The following NET1 variants were observed in gnomAD, a reference collection of about 807,000 sequenced individuals.
NET1 encodes the protein neuroepithelial cell transforming 1.
In NET1, 42 loss-of-function variants were observed where a neutral mutation model predicts 61.1. That is an observed-to-expected ratio of 0.69 (90% CI 0.54 to 0.89). The LOEUF is 0.89. Among genes scored for constraint, NET1 ranks in the 40% least tolerant of loss-of-function variants. The pLI is 0.00. For missense variants in NET1, 654 were observed against 747.3 expected (o/e 0.88, Z 1.46); for synonymous variants, 254 against 281.8 (o/e 0.90, Z 0.99).
chr10:5,430,444 G>A (rs372721043), intron 3 of NET1, among the ~76,000 whole-genome samples: 5 of 146,950 alleles, frequency 3.4e-5, no homozygotes, highest in South Asian at 4.3e-4. Context: ...GTGCGATCTC[G>A]GCCCCCTGCA....
Position 5,455,497 on chromosome 10 carries a change from A to G in NET1, c.1197+379A>G, listed in dbSNP as rs1832781605. The stretch of plus-strand genomic sequence containing the variant: ...ATAACAAATTTCTGAAGCAGATTGA[A>G]TGAATGCAAATGTATTTTTTAAATG... On this transcript the variant is annotated intron_variant, in intron 10 of 11. Transcript: ENST00000355029. This position sits in a 1 kb window ranked among gnomAD's most constrained non-coding sequence, Gnocchi z 6.5. Among the ~76,000 whole-genome samples the G allele has an allele frequency of 6.6e-6, 1 of 152,240 alleles. No homozygotes were observed. Among genetic ancestry groups the G allele is most frequent in the Admixed American group, 6.5e-5 (1 of 15,290 alleles).
Position 5,458,740 on chromosome 10 carries a change from A to C in NET1, c.*1746A>C, listed in dbSNP as rs1286571293. Among the ~76,000 whole-genome samples, 1 of 152,214 alleles carries C rather than the reference A, an allele frequency of 6.6e-6. No individual in the cohort carries two copies. Among genetic ancestry groups the C allele is most frequent in the Admixed American group, 6.5e-5 (1 of 15,290 alleles). ...AGGGTAGTAGTGGCAAAGGATCCTG[A>C]TTAATTTCAGATTTTAATGTAAGTA... On this transcript the variant is annotated 3_prime_UTR_variant, in exon 12 of 12. Transcript: ENST00000355029. This position sits in a 1 kb window ranked among gnomAD's most constrained non-coding sequence, Gnocchi z 4.5.
rs962117665 is a variant in NET1, at chr10:5,454,394, C to G, written c.898C>G (p.Arg300Gly). The G allele has an allele frequency of 6.2e-7, 1 of 1,614,120 alleles. No individual in the cohort carries two copies. The highest frequency in any genetic ancestry group is 8.5e-7 in the Non-Finnish European group (1 of 1,180,022). ...LQRCLESPFS[R>G]KLDLWSFLDI... ...GCGATGTCTCGAGTCTCCCTTCAGT[C>G]GAAAACTAGATCTTTGGAGTTTCCT... The change falls in exon 9 of 12, where the codon CGA becomes GGA. Residue 300 changes from arginine to glycine, a missense_variant. Physicochemically the swap from Arg to Gly is moderately radical, Grantham distance 125. Transcript: ENST00000355029. This position sits in a 1 kb window ranked among gnomAD's most constrained non-coding sequence, Gnocchi z 8.1.
chr10:5,453,923 T>G lies in NET1; in HGVS notation c.769-342T>G, dbSNP rs1053591726. On this transcript the variant is annotated intron_variant, in intron 8 of 11. Coordinates refer to ENST00000355029, the MANE Select transcript of NET1 (RefSeq NM_001047160.3). This position sits in a 1 kb window ranked among gnomAD's most constrained non-coding sequence, Gnocchi z 4.9. Reference sequence around the variant, plus strand: ...TGATGAAAGGCAGTCTCTGCCTTTATAGCCTAGTGAAGGAATAGCCAAGCA... The same window carrying G: ...TGATGAAAGGCAGTCTCTGCCTTTAGAGCCTAGTGAAGGAATAGCCAAGCA... Among the ~76,000 whole-genome samples the G allele has an allele frequency of 6.6e-6, 1 of 152,116 alleles. No homozygotes were observed. The highest frequency in any genetic ancestry group is 2.1e-4 in the South Asian group (1 of 4,826).
chr10:5,413,148 C>G (rs1832030568), intron 1 of NET1, among the ~76,000 whole-genome samples: 1 of 152,062 alleles, frequency 6.6e-6, no homozygotes, highest in Non-Finnish European at 1.5e-5. Context: ...TTTTCCCTGC[C>G]TGTGGCAAAG....
chr10:5,451,512 A>T lies in NET1; in HGVS notation c.256-318A>T, dbSNP rs28725281. On this transcript the variant is annotated intron_variant, in intron 3 of 11. Transcript: ENST00000355029. The surrounding 1 kb of genome is among the most constrained non-coding windows in gnomAD (Gnocchi z 6.1). ...TTTCATAACAATAAGGCTTTTTTTT[A>T]AAAAAAAAAAAAGTTATTCCCTGCA... Among the ~76,000 whole-genome samples, 30,286 of 65,920 alleles carry T rather than the reference A, an allele frequency of 0.46. 4,547 individuals are homozygous for T. Among genetic ancestry groups the T allele is most frequent in the African/African-American group, 0.54 (17,363 of 31,996 alleles). The allele number at this position is 65,920 out of a possible 152,430, so 43.2% of individuals were successfully genotyped here.
In NET1 at chr10:5,446,845, T is replaced by A. The variant is rs201093758; in HGVS notation, c.256-4985T>A. Reference sequence around the variant, plus strand: ...GTCCTAGATGTCAATAACCAGTCCTTCAGAGAACAAGAGGTAAGACTTTAA... The same window carrying A: ...GTCCTAGATGTCAATAACCAGTCCTACAGAGAACAAGAGGTAAGACTTTAA... On this transcript the variant is annotated intron_variant, in intron 3 of 11. Coordinates refer to ENST00000355029, the MANE Select transcript of NET1 (RefSeq NM_001047160.3). This position sits in a 1 kb window ranked among gnomAD's most constrained non-coding sequence, Gnocchi z 5.0. The A allele has an allele frequency of 5.9e-5, 95 of 1,609,832 alleles. 1 individual carries two copies. The South Asian group carries it at 1.0e-3, about 17-fold the overall frequency.
rs1445287809 is a variant in NET1, at chr10:5,454,375, T to G, written c.879T>G (p.Cys293Trp). ...GAGTCCAAGACTTCCTCCAGCGATG[T>G]CTCGAGTCTCCCTTCAGTCGAAAAC... is the stretch of plus-strand genomic sequence containing the variant. ...DPRVQDFLQR[C>W]LESPFSRKLD... Residue 293 changes from cysteine (C) to tryptophan (W), a missense_variant, in exon 9 of 12, where the codon TGT (cysteine) becomes TGG (tryptophan). Physicochemically the swap from Cys to Trp is radical, Grantham distance 215 (BLOSUM62 -2). Coordinates refer to ENST00000355029, the MANE Select transcript of NET1 (RefSeq NM_001047160.3). This position sits in a 1 kb window ranked among gnomAD's most constrained non-coding sequence, Gnocchi z 8.1. 1.9e-6 allele frequency: 3 copies of G among 1,614,174 alleles called. No individual in the cohort carries two copies. The highest frequency in any genetic ancestry group is 2.5e-6 in the Non-Finnish European group (3 of 1,180,036).
Position 5,454,873 on chromosome 10 carries a change from A to G in NET1, c.1027-75A>G. ...CTTTAAAGTTCTTCCATTCCATATGACATTTTTGCTCTGCAGGAAGCAGAA... is the reference window on the plus strand; with the variant it reads ...CTTTAAAGTTCTTCCATTCCATATGGCATTTTTGCTCTGCAGGAAGCAGAA... On this transcript the variant is annotated intron_variant, in intron 9 of 11. Coordinates refer to ENST00000355029, the MANE Select transcript of NET1 (RefSeq NM_001047160.3). The surrounding 1 kb of genome is among the most constrained non-coding windows in gnomAD (Gnocchi z 8.1). 7.2e-7 allele frequency: 1 copy of G among 1,388,452 alleles called. No individual in the cohort carries two copies. Among genetic ancestry groups the G allele is most frequent in the Middle Eastern group, 2.5e-4 (1 of 4,058 alleles). 86.0% of individuals were successfully genotyped at this position (1,388,452 alleles called of 1,614,324 possible). A position where few individuals can be genotyped will look rare whatever the true frequency, so the allele number is the denominator to read the frequency against.
In NET1 at chr10:5,435,856, T is replaced by C. The variant is rs1832421189; in HGVS notation, c.255+6627T>C. On this transcript the variant is annotated intron_variant, in intron 3 of 11. Transcript: ENST00000355029. The surrounding 1 kb of genome is among the most constrained non-coding windows in gnomAD (Gnocchi z 5.0). ...TACTTCTGTATTATATATACAATTA[T>C]TCATTTTTAAAAGAACACAGTATTA... is the stretch of plus-strand genomic sequence containing the variant. Among the ~76,000 whole-genome samples the C allele has an allele frequency of 1.3e-5, 2 of 152,262 alleles. No individual in the cohort carries two copies. The highest frequency in any genetic ancestry group is 2.4e-5 in the African/African-American group (1 of 41,540).
chr10:5,442,980 C>CTA (rs1269034395), intron 3 of NET1, among the ~76,000 whole-genome samples: 1 of 152,078 alleles, frequency 6.6e-6, no homozygotes, highest in Admixed American at 6.5e-5. Flanking sequence ...TATAAAAAGG[C>CTA]TATAAGGCAG....
At chr10:5,436,250 T>TATA (rs1564462840) in intron 3 of NET1, among the ~76,000 whole-genome samples, 71 of 8,516 alleles carry the variant, frequency 8.3e-3, no homozygotes, top group African/African-American at 0.011. Context: ...ATATATATAT[T>TATA]TTTTTTTTTT....
rs1047351171 is a variant in NET1 at position 5,423,165 on chromosome 10, C to T, written c.129-3490C>T. ...CTGAAACTCGTTTTCATTCTACATCCATTTTTTATGGTGAATGCATCTTGA... is the reference window on the plus strand; with the variant it reads ...CTGAAACTCGTTTTCATTCTACATCTATTTTTTATGGTGAATGCATCTTGA... On this transcript the variant is annotated intron_variant, in intron 1 of 11. Transcript: ENST00000355029. This position sits in a 1 kb window ranked among gnomAD's most constrained non-coding sequence, Gnocchi z 4.4. Among the ~76,000 whole-genome samples the T allele has an allele frequency of 1.3e-5, 2 of 152,102 alleles. No individual in the cohort carries two copies. The highest frequency in any genetic ancestry group is 1.9e-4 in the East Asian group (1 of 5,192).
chr10:5,428,089 G>A (rs1310813252), intron 2 of NET1, among the ~76,000 whole-genome samples: 2 of 66,456 alleles, frequency 3.0e-5, no homozygotes, highest in African/African-American at 1.2e-4. Context: ...GCCCTATCTT[G>A]TTCAATTTTG....
Position 5,435,847 on chromosome 10 carries a change from A to G in NET1, c.255+6618A>G, listed in dbSNP as rs906193314. ...AGGCTGACTTACTTCTGTATTATATATACAATTATTCATTTTTAAAAGAAC... is the reference window on the plus strand; with the variant it reads ...AGGCTGACTTACTTCTGTATTATATGTACAATTATTCATTTTTAAAAGAAC... On this transcript the variant is annotated intron_variant, in intron 3 of 11. Transcript: ENST00000355029. This position sits in a 1 kb window ranked among gnomAD's most constrained non-coding sequence, Gnocchi z 5.0. Among the ~76,000 whole-genome samples the G allele has an allele frequency of 6.6e-6, 1 of 152,142 alleles. No homozygotes were observed. Among genetic ancestry groups the G allele is most frequent in the Non-Finnish European group, 1.5e-5 (1 of 68,020 alleles).
chr10:5,448,209 T>C (rs930721875), intron 3 of NET1, among the ~76,000 whole-genome samples: 40 of 152,194 alleles, frequency 2.6e-4, no homozygotes, highest in Non-Finnish European at 4.9e-4. Context: ...CTTGATATGA[T>C]TGGTTATAGA....
rs145236295 is a variant in NET1 at position 5,446,263 on chromosome 10, G to A, written c.256-5567G>A. Among the ~76,000 whole-genome samples the A allele has an allele frequency of 1.5e-3, 226 of 152,196 alleles. 1 individual carries two copies. The highest frequency in any genetic ancestry group is 4.7e-3 in the African/African-American group (196 of 41,538). The stretch of plus-strand genomic sequence containing the variant: ...TTATATATGTTGATTCAGCCCTATC[G>A]AATAAGAATTTCTATTTCCTTATTT... On this transcript the variant is annotated intron_variant, in intron 3 of 11. Transcript: ENST00000355029. This position sits in a 1 kb window ranked among gnomAD's most constrained non-coding sequence, Gnocchi z 5.0.
At position 5,456,452 on chromosome 10, in the gene NET1, A is replaced by G. The variant is rs1832799035; in HGVS notation, c.1385-136A>G. 1 of 1,060,182 alleles carries G rather than the reference A, an allele frequency of 9.4e-7. No homozygotes were observed. The highest frequency in any genetic ancestry group is 1.7e-5 in the South Asian group (1 of 58,186). 65.7% of individuals were successfully genotyped at this position (1,060,182 alleles called of 1,614,324 possible). ...CGCAGGTGTATCTAAGAAATAATGC[A>G]TAGGCTTAATGTATTCACATTGACA... is the stretch of plus-strand genomic sequence containing the variant. On this transcript the variant is annotated intron_variant, in intron 11 of 11. Transcript: ENST00000355029. The surrounding 1 kb of genome is among the most constrained non-coding windows in gnomAD (Gnocchi z 7.0).
chr10:5,443,677 G>A lies in NET1; in HGVS notation c.256-8153G>A, dbSNP rs951265206. ...AAAATGAAACTAAGATTTTAGTGTT[G>A]GTGAGCTGGGGCTTTTGTGAACATG... On this transcript the variant is annotated intron_variant, in intron 3 of 11. Coordinates refer to ENST00000355029, the MANE Select transcript of NET1 (RefSeq NM_001047160.3). This position sits in a 1 kb window ranked among gnomAD's most constrained non-coding sequence, Gnocchi z 4.8. Among the ~76,000 whole-genome samples, 2 of 152,134 alleles carry A rather than the reference G, an allele frequency of 1.3e-5. No individual in the cohort carries two copies. The highest frequency in any genetic ancestry group is 2.9e-5 in the Non-Finnish European group (2 of 68,020).
Sources: gnomAD v4.1 joint callset for allele counts (sites outside exome capture counted in the v4.1 genomes callset) on GRCh38, gnomAD v4.1.1 for gene constraint, Gnocchi (gnomAD v3.1) non-coding constraint, MANE v1.5 for transcripts, NCBI Gene and HGNC (gene_info 2026-07-23, HGNC 2026-07-21) for gene names.